CRYBG2: variants seen among roughly 807,000 people sequenced by gnomAD.
CRYBG2 encodes the protein beta/gamma crystallin domain-containing protein 2.
In CRYBG2, 106 loss-of-function variants were observed where a neutral mutation model predicts 153.4. That is an observed-to-expected ratio of 0.69 (90% CI 0.59 to 0.81). CRYBG2 has a LOEUF of 0.81. CRYBG2 is among the 30% of genes least tolerant of loss of function. The pLI, the probability that CRYBG2 is intolerant of heterozygous loss-of-function variation, is 0.00. For missense variants in CRYBG2, 1,996 were observed against 2,112.0 expected (o/e 0.95, Z 1.08); for synonymous variants, 851 against 877.8 (o/e 0.97, Z 0.54).
intron 14 of CRYBG2, among the ~76,000 whole-genome samples, chr1:26,332,203 A>G (rs534464924): frequency 1.9e-4 from 29 of 149,882 alleles, no homozygotes; most frequent in Admixed American, 6.7e-4. Context: ...GCTACTCAGG[A>G]GGCTGAGGCA....
chr1:26,339,925 G>A (rs2074110128), intron 5 of CRYBG2, among the ~76,000 whole-genome samples: 1 of 152,202 alleles, frequency 6.6e-6, no homozygotes, highest in Non-Finnish European at 1.5e-5. Flanking sequence ...TAAGACCAAA[G>A]CCTGTGCTGG....
intron 14 of CRYBG2, among the ~76,000 whole-genome samples, chr1:26,331,853 G>A (rs1295821679): frequency 2.0e-5 from 3 of 152,310 alleles, no homozygotes; most frequent in East Asian, 1.9e-4. Flanking sequence ...AACTCCATGA[G>A]TAATTACTCA....
At position 26,346,309 on chromosome 1, in the gene CRYBG2, C is replaced by T. The variant is rs2074220206; in HGVS notation, c.349G>A (p.Ala117Thr). 1 of 1,598,976 alleles carries T rather than the reference C, an allele frequency of 6.3e-7. No individual in the cohort carries two copies. Among genetic ancestry groups the T allele is most frequent in the Non-Finnish European group, 8.5e-7 (1 of 1,179,512 alleles). Residue 117 changes from alanine to threonine, a missense_variant, in exon 2 of 20, where the codon GCT (alanine) becomes ACT (threonine). Physicochemically the swap from Ala to Thr is moderately conservative, Grantham distance 58. Coordinates refer to ENST00000308182, the MANE Select transcript of CRYBG2 (RefSeq NM_001039775.4). The surrounding 1 kb of genome is among the most constrained non-coding windows in gnomAD (Gnocchi z 4.9). ...CGGCTGCCATCACTCTGGTCCACAG[C>T]CTCCTTCAGCCTCCCCTCAGGCCTT... ...EKRPEGRLKEAVDQSDGSRQA... is the reference protein window; with the variant it reads ...EKRPEGRLKETVDQSDGSRQA...
At chr1:26,333,048 A>AAAAAAAAAAAAAAAAAG (rs2074016788) in intron 14 of CRYBG2, among the ~76,000 whole-genome samples, 1 of 128,352 alleles carries the variant, frequency 7.8e-6, no homozygotes. Context: ...AAAAAAAAAG[A>AAAAAAAAAAAAAAAAAG]TTTCTAACAG....
chr1:26,328,635 T>C, intron 16 of CRYBG2, 99 bp downstream of exon 16: 3 of 1,485,028 alleles, frequency 2.0e-6, no homozygotes, highest in Non-Finnish European at 2.7e-6. Context: ...GGGGGAAAAG[T>C]GGGGAGGGGA....
rs1369390079 is a variant in CRYBG2, at chr1:26,344,281, A to C, written c.2377T>G (p.Tyr793Asp). The change falls in exon 2 of 20, where the codon TAC (tyrosine) becomes GAC (aspartate). Residue 793 changes from tyrosine to aspartate, a missense_variant. Tyr to Asp is a radical substitution (Grantham distance 160). Coordinates refer to ENST00000308182, the MANE Select transcript of CRYBG2 (RefSeq NM_001039775.4). ...GGCAGCGTGGCGTACATGGACAGGT[A>C]GGAGGAGCGAGGGGCTCGTGGCAGC... Reference protein sequence around the residue: ...HRLPRAPRSSYLSMYATLPAI... With the variant: ...HRLPRAPRSSDLSMYATLPAI... The C allele has an allele frequency of 1.3e-6, 2 of 1,520,152 alleles. No homozygotes were observed. The highest frequency in any genetic ancestry group is 1.8e-6 in the Non-Finnish European group (2 of 1,136,804). 94.2% of individuals were successfully genotyped at this position (1,520,152 alleles called of 1,614,324 possible).
chr1:26,336,491 C>T lies in CRYBG2; in HGVS notation c.4038+115G>A, dbSNP rs1443765667. On this transcript the variant is annotated intron_variant, in intron 12 of 19. Transcript: ENST00000308182. This position sits in a 1 kb window ranked among gnomAD's most constrained non-coding sequence, Gnocchi z 4.9. Reference sequence around the variant, plus strand: ...TCGGCCCCGCCCCCTTCTAAGGCCCCGCCCCAAGCGCCCAGGCAGGTCCTC... The same window carrying T: ...TCGGCCCCGCCCCCTTCTAAGGCCCTGCCCCAAGCGCCCAGGCAGGTCCTC... 1.9e-6 allele frequency: 3 copies of T among 1,547,142 alleles called. No homozygotes were observed. The highest frequency in any genetic ancestry group is 3.9e-5 in the Admixed American group (2 of 50,814).
At chr1:26,340,980 C>T (rs1210862238) in intron 5 of CRYBG2, among the ~76,000 whole-genome samples, 8 of 151,994 alleles carry the variant, frequency 5.3e-5, no homozygotes, top group African/African-American at 1.2e-4. Context: ...GCCTAATGAG[C>T]GCTCATCATC....
At chr1:26,332,655 C>T (rs903714257) in intron 14 of CRYBG2, among the ~76,000 whole-genome samples, 8 of 151,868 alleles carry the variant, frequency 5.3e-5, no homozygotes, top group East Asian at 3.9e-4. Flanking sequence ...TACAGGCATG[C>T]GCCACCACAC....
chr1:26,342,003 T>A (rs1272151034), intron 5 of CRYBG2, among the ~76,000 whole-genome samples: 1 of 152,154 alleles, frequency 6.6e-6, no homozygotes, highest in East Asian at 1.9e-4. Context: ...CTGTAAGTCC[T>A]GAAGGGCAAA....
chr1:26,337,027 C>A (rs1407164821), intron 10 of CRYBG2, 47 bp from the exon 11 acceptor site: 1 of 1,606,852 alleles, frequency 6.2e-7, no homozygotes, highest in Non-Finnish European at 8.5e-7. Flanking sequence ...CAAACCGAAA[C>A]CCCTGGGAGT....
chr1:26,322,422 G>T (rs1002246308), intron 18 of CRYBG2, 99 bp from the exon 19 acceptor site: 1 of 1,376,030 alleles, frequency 7.3e-7, no homozygotes, highest in African/African-American at 1.4e-5. Flanking sequence ...CTGGCTCTTA[G>T]GGACTGTGGC....
Position 26,343,004 on chromosome 1 carries a change from C to T in CRYBG2, c.3074+43G>A. ...ACTCCTCACTCCCCTCTGCATCCCC[C>T]CAGGTTCACAGCCAAGTGCCTTGCT... is the stretch of plus-strand genomic sequence containing the variant. On this transcript the variant is annotated intron_variant, in intron 4 of 19. Transcript: ENST00000308182. The surrounding 1 kb of genome is among the most constrained non-coding windows in gnomAD (Gnocchi z 4.1). The T allele has an allele frequency of 6.5e-7, 1 of 1,535,814 alleles. No homozygotes were observed.
Position 26,338,007 on chromosome 1 carries a change from C to G in CRYBG2, c.3507+5G>C, listed in dbSNP as rs1349050864. On this transcript the variant is annotated splice_donor_5th_base_variant and intron_variant, in intron 8 of 19. Transcript: ENST00000308182. ...CCTCTTTGGCTCTTAAGCCCAGACT[C>G]TTACCCTGGGCTCCCCTGGCTTCTC... The G allele has an allele frequency of 6.2e-7, 1 of 1,612,546 alleles. No homozygotes were observed. Among genetic ancestry groups the G allele is most frequent in the East Asian group, 2.2e-5 (1 of 44,874 alleles).
chr1:26,324,399 A>G (rs2073898235), intron 17 of CRYBG2, 89 bp from the exon 18 acceptor site: 1 of 1,378,820 alleles, frequency 7.3e-7, no homozygotes, highest in Non-Finnish European at 9.6e-7. Flanking sequence ...CTCCAGTATC[A>G]GGCTCCCAAG....
chr1:26,322,453 C>T (rs930944648), intron 18 of CRYBG2, 130 bp from the exon 19 acceptor site: 7 of 1,050,296 alleles, frequency 6.7e-6, no homozygotes, highest in Non-Finnish European at 9.1e-6. Context: ...TCTCTTAATC[C>T]TCCTCAGCTT....
intron 10 of CRYBG2, 74 bp from the exon 11 acceptor site, chr1:26,337,054 C>A: frequency 6.3e-7 from 1 of 1,584,888 alleles, no homozygotes. Context: ...ACCCCAGGGT[C>A]ACAGCCCACC....
chr1:26,328,463 GGAATAGGGT>G (rs1452066605), intron 16 of CRYBG2, 131 bp from the exon 17 acceptor site: 15 of 1,368,696 alleles, frequency 1.1e-5, no homozygotes, highest in Non-Finnish European at 1.5e-5. Flanking sequence ...TCCTCTGCCT[GGAATAGGGT>G]TCCCAGGGCG....
In CRYBG2 at chr1:26,325,128, T is replaced by TGAG. The variant is rs1033140773; in HGVS notation, c.4579-821_4579-819dup. On this transcript the variant is annotated intron_variant, in intron 17 of 19. Transcript: ENST00000308182. This position sits in a 1 kb window ranked among gnomAD's most constrained non-coding sequence, Gnocchi z 4.1. Reference sequence around the variant, plus strand: ...CCTTTATTTCCCCATCTGTAAAATGTGAGGGGTGGAGATAATCTCCAAGAT... The same window carrying TGAG: ...CCTTTATTTCCCCATCTGTAAAATGTGAGGAGGGGTGGAGATAATCTCCAAGAT... The TGAG allele has an allele frequency of 1.3e-5, 2 of 152,138 alleles. No individual in the cohort carries two copies. Among genetic ancestry groups the TGAG allele is most frequent in the African/African-American group, 4.8e-5 (2 of 41,416 alleles). 9.4% of individuals were successfully genotyped at this position (152,138 alleles called of 1,614,324 possible).
Sources: gnomAD v4.1 joint callset for allele counts (sites outside exome capture counted in the v4.1 genomes callset) on GRCh38, gnomAD v4.1.1 for gene constraint, Gnocchi (gnomAD v3.1) non-coding constraint, MANE v1.5 for transcripts, NCBI Gene and HGNC (gene_info 2026-07-23, HGNC 2026-07-21) for gene names.